The following KCNJ6 variants were observed in gnomAD, a reference collection of about 807,000 sequenced individuals.
The protein encoded by KCNJ6 is G protein-activated inward rectifier potassium channel 2.
A neutral mutation model predicts 34.2 loss-of-function variants in KCNJ6; 9 were observed. That is an observed-to-expected ratio of 0.26 (90% CI 0.16 to 0.46). The LOEUF (loss-of-function observed/expected upper bound fraction) is 0.46. Among genes scored for constraint, KCNJ6 ranks in the 20% least tolerant of loss-of-function variants. KCNJ6 has a pLI of 1.00. For missense variants in KCNJ6, 236 were observed against 531.3 expected, an observed-to-expected ratio of 0.44 and a Z score of 5.46; for synonymous variants, 196 against 207.1, an observed-to-expected ratio of 0.95 and a Z score of 0.46.
chr21:37,711,152 C>T lies in KCNJ6; in HGVS notation c.946+3059G>A, dbSNP rs115024821. Reference sequence around the variant, plus strand: ...CCACTTTCGTTTTCTAAAAATGGAACCTGACCCTGCAATGCGGCTGGCATT... The same window carrying T: ...CCACTTTCGTTTTCTAAAAATGGAATCTGACCCTGCAATGCGGCTGGCATT... On this transcript the variant is annotated intron_variant, in intron 3 of 3. Coordinates refer to ENST00000609713, the MANE Select transcript of KCNJ6 (RefSeq NM_002240.5). 3.0e-3 allele frequency among the ~76,000 whole-genome samples: 452 copies of T among 152,296 alleles called. 6 individuals carry two copies. The highest frequency in any genetic ancestry group is 0.01 in the African/African-American group (423 of 41,576).
intron 2 of KCNJ6, among the ~76,000 whole-genome samples, chr21:37,721,002 C>T (rs550568753): frequency 5.9e-5 from 9 of 152,118 alleles, no homozygotes; most frequent in South Asian, 2.1e-4. Context: ...CCACCGCGCC[C>T]GGCCGAGAAA....
At chr21:37,723,229 C>T (rs1388415039) in intron 2 of KCNJ6, among the ~76,000 whole-genome samples, 1 of 152,142 alleles carries the variant, frequency 6.6e-6, no homozygotes, top group African/African-American at 2.4e-5. Flanking sequence ...AGTGAGATAC[C>T]TTCTCACACC....
At position 37,617,410 on chromosome 21, in the gene KCNJ6, G is replaced by A. The variant is rs73220495; in HGVS notation, c.*7749C>T. The A allele has an allele frequency of 0.29, 44,282 of 151,804 alleles. 6,762 individuals carry two copies. Among genetic ancestry groups the A allele is most frequent in the South Asian group, 0.33 (1,605 of 4,806 alleles). The allele number at this position is 151,804 out of a possible 1,614,324, so 9.4% of individuals were successfully genotyped here. A position where few individuals can be genotyped will look rare whatever the true frequency, so the allele number is the denominator to read the frequency against. On this transcript the variant is annotated 3_prime_UTR_variant, in exon 4 of 4. Transcript: ENST00000609713. ...ACTTTTTCATATTTTTAGTAGAGGC[G>A]GGGTATTACCATATTGGCCAGGCTG...
At chr21:37,634,506 T>G (rs1032986151) in intron 3 of KCNJ6, among the ~76,000 whole-genome samples, 2 of 152,134 alleles carry the variant, frequency 1.3e-5, no homozygotes, top group African/African-American at 4.8e-5. Flanking sequence ...CACAATGAAC[T>G]AGGACAGCAG....
rs1433733858 is a variant in KCNJ6, at chr21:37,608,728, G to A, written c.*16431C>T. The stretch of plus-strand genomic sequence containing the variant: ...TAGCGCAGTGTTGTTGCATGGTAAG[G>A]GCTGGCAGCCATGGGATTACAGGCT... On this transcript the variant is annotated 3_prime_UTR_variant, in exon 4 of 4. Coordinates refer to ENST00000609713, the MANE Select transcript of KCNJ6 (RefSeq NM_002240.5). 2 of 152,244 alleles carry A rather than the reference G, an allele frequency of 1.3e-5. No homozygotes were observed. Among genetic ancestry groups the A allele is most frequent in the East Asian group, 1.9e-4 (1 of 5,202 alleles). The allele number at this position is 152,244 out of a possible 1,614,324, so 9.4% of individuals were successfully genotyped here. A position where few individuals can be genotyped will look rare whatever the true frequency, so the allele number is the denominator to read the frequency against.
rs143060004 is a variant in KCNJ6, at chr21:37,772,874, A to G, written c.26-57743T>C. Among the ~76,000 whole-genome samples the G allele has an allele frequency of 2.9e-4, 44 of 152,348 alleles. No homozygotes were observed. The East Asian group carries it at 8.1e-3, about 28-fold the overall frequency. ...TTCTTTATGCTGTATTAAATGTACT[A>G]TATATATGTTATACTATAGCATTAA... On this transcript the variant is annotated intron_variant, in intron 2 of 3. Coordinates refer to ENST00000609713, the MANE Select transcript of KCNJ6 (RefSeq NM_002240.5).
intron 2 of KCNJ6, chr21:37,719,321 C>CGTTT (rs2054811744): frequency 6.6e-6 from 1 of 152,206 alleles, no homozygotes; most frequent in African/African-American, 2.4e-5. Context: ...CATTTTGTGA[C>CGTTT]ATTTCTTTCT....
At chr21:37,790,348 TGTCTGTC>T (rs965943227) in intron 2 of KCNJ6, among the ~76,000 whole-genome samples, 10 of 152,228 alleles carry the variant, frequency 6.6e-5, no homozygotes, top group Non-Finnish European at 1.5e-5. Flanking sequence ...GGGGGGCATC[TGTCTGTC>T]GTTTACCACC....
chr21:37,811,913 A>G (rs1043376059), intron 2 of KCNJ6, among the ~76,000 whole-genome samples: 1 of 152,254 alleles, frequency 6.6e-6, no homozygotes, highest in Non-Finnish European at 1.5e-5. Flanking sequence ...AAGACATAAC[A>G]TTGGAAAAAC....
chr21:37,738,124 C>G (rs2054922717), intron 2 of KCNJ6, among the ~76,000 whole-genome samples: 1 of 152,212 alleles, frequency 6.6e-6, no homozygotes, highest in South Asian at 2.1e-4. Context: ...CTCACACAGA[C>G]AGCCAGCATG....
At chr21:37,683,384 T>C (rs1433646797) in intron 3 of KCNJ6, among the ~76,000 whole-genome samples, 2 of 152,170 alleles carry the variant, frequency 1.3e-5, no homozygotes, top group Non-Finnish European at 2.9e-5. Context: ...AAACAGCATT[T>C]AAAGAGAGCA....
intron 2 of KCNJ6, among the ~76,000 whole-genome samples, chr21:37,787,929 C>T (rs957362635): frequency 6.6e-6 from 1 of 152,206 alleles, no homozygotes; most frequent in Non-Finnish European, 1.5e-5. Flanking sequence ...AGAACCTCTA[C>T]CCTTATCCCT....
chr21:37,692,864 A>G (rs1466240898), intron 3 of KCNJ6, among the ~76,000 whole-genome samples: 2 of 152,240 alleles, frequency 1.3e-5, no homozygotes, highest in Non-Finnish European at 2.9e-5. Context: ...CATTAAACTT[A>G]GAGCGAAAGG....
chr21:37,707,733 G>GTGTGTGTATA (rs1237113944), intron 3 of KCNJ6, among the ~76,000 whole-genome samples: 1 of 149,898 alleles, frequency 6.7e-6, no homozygotes, highest in Non-Finnish European at 1.5e-5. Flanking sequence ...ATGTGTGTGT[G>GTGTGTGTATA]TGAATAATTT....
At chr21:37,860,247 C>T (rs1218140677) in intron 1 of KCNJ6, among the ~76,000 whole-genome samples, 1 of 152,116 alleles carries the variant, frequency 6.6e-6, no homozygotes, top group Non-Finnish European at 1.5e-5. Flanking sequence ...CTCCAATTAC[C>T]TTATCGGTGA....
intron 2 of KCNJ6, among the ~76,000 whole-genome samples, chr21:37,822,880 G>T (rs1178257246): frequency 6.6e-6 from 1 of 152,186 alleles, no homozygotes; most frequent in African/African-American, 2.4e-5. Context: ...GGACTCGAGA[G>T]TGATGTCAGC....
chr21:37,772,867 A>G (rs1568843217), intron 2 of KCNJ6, among the ~76,000 whole-genome samples: 1 of 152,194 alleles, frequency 6.6e-6, no homozygotes, highest in East Asian at 1.9e-4. Flanking sequence ...GCTGTATTAA[A>G]TGTACTATAT....
At chr21:37,860,390 T>G (rs1401434538) in intron 1 of KCNJ6, among the ~76,000 whole-genome samples, 3 of 152,180 alleles carry the variant, frequency 2.0e-5, no homozygotes, top group Non-Finnish European at 4.4e-5. Context: ...CACCCTCCTT[T>G]CTCGCCTGGT....
chr21:37,746,942 C>A (rs780183677), intron 2 of KCNJ6, among the ~76,000 whole-genome samples: 1 of 152,222 alleles, frequency 6.6e-6, no homozygotes, highest in Non-Finnish European at 1.5e-5. Flanking sequence ...GAATTGATGG[C>A]AAAGCCTTAT....
Sources: allele counts gnomAD v4.1 joint callset (sites outside exome capture counted in the v4.1 genomes callset), GRCh38; gene constraint gnomAD v4.1.1; transcripts MANE v1.5; gene names NCBI Gene and HGNC (gene_info 2026-07-23, HGNC 2026-07-21).